NLGN1: variants seen among roughly 807,000 people sequenced by gnomAD.
The protein encoded by NLGN1 is neuroligin 1, also known as neuroligin-1.
A neutral mutation model predicts 65.5 loss-of-function variants in NLGN1; 12 were observed. The observed-to-expected ratio is 0.18, with a 90% confidence interval of 0.12 to 0.30. The LOEUF is 0.30. Ranked by LOEUF, NLGN1 falls within the 10% of genes least tolerant of loss-of-function variation. NLGN1 has a pLI of 1.00. For synonymous variants in NLGN1, 350 were observed against 359.5 expected (o/e 0.97, Z 0.30); for missense variants, 750 against 1,007.1 (o/e 0.74, Z 3.46).
At chr3:174,029,156 G>T (rs943880473) in intron 4 of NLGN1, among the ~76,000 whole-genome samples, 10 of 152,226 alleles carry the variant, frequency 6.6e-5, no homozygotes, top group African/African-American at 2.2e-4. Flanking sequence ...ACCTCAAAAT[G>T]ATAGATCCAA....
intron 4 of NLGN1, among the ~76,000 whole-genome samples, chr3:174,252,708 T>C (rs1577600262): frequency 6.6e-6 from 1 of 152,278 alleles, no homozygotes; most frequent in African/African-American, 2.4e-5. Flanking sequence ...ACATCAGAGT[T>C]CTCAAATTTT....
chr3:174,254,749 T>G (rs1477009015), intron 4 of NLGN1, among the ~76,000 whole-genome samples: 2 of 152,146 alleles, frequency 1.3e-5, no homozygotes, highest in Admixed American at 1.3e-4. Context: ...AAAATCTAGA[T>G]AAAATCAGCA....
chr3:173,496,490 A>G (rs1181424182), intron 2 of NLGN1, among the ~76,000 whole-genome samples: 1 of 151,904 alleles, frequency 6.6e-6, no homozygotes, highest in African/African-American at 2.4e-5. Context: ...TGGTTATTCA[A>G]TTCATAAATG....
intron 4 of NLGN1, among the ~76,000 whole-genome samples, chr3:174,021,717 G>A (rs1389535367): frequency 1.3e-5 from 2 of 152,122 alleles, no homozygotes; most frequent in Non-Finnish European, 2.9e-5. Context: ...CTGAGAATCA[G>A]AAAAGAGACA....
At chr3:173,510,732 T>C (rs922559094) in intron 2 of NLGN1, among the ~76,000 whole-genome samples, 4 of 152,176 alleles carry the variant, frequency 2.6e-5, no homozygotes, top group African/African-American at 9.6e-5. Flanking sequence ...GAAACTCATC[T>C]TGTTCACTAG....
intron 4 of NLGN1, among the ~76,000 whole-genome samples, chr3:174,042,445 A>T (rs1309300539): frequency 6.6e-6 from 1 of 152,156 alleles, no homozygotes; most frequent in Non-Finnish European, 1.5e-5. Context: ...TAATGATTAG[A>T]CTACCCTTTG....
At chr3:173,439,815 G>T (rs2148790343) in intron 2 of NLGN1, among the ~76,000 whole-genome samples, 1 of 152,196 alleles carries the variant, frequency 6.6e-6, no homozygotes, top group African/African-American at 2.4e-5. Context: ...ATTGCTGGAG[G>T]GTCTTGCCTT....
chr3:173,494,117 A>G (rs962583471), intron 2 of NLGN1, among the ~76,000 whole-genome samples: 16 of 77,606 alleles, frequency 2.1e-4, no homozygotes, highest in Admixed American at 1.3e-3. Flanking sequence ...TTAGTGTTAT[A>G]GGTGAGTGTG....
intron 3 of NLGN1, among the ~76,000 whole-genome samples, chr3:173,637,367 G>C (rs893299759): frequency 6.6e-6 from 1 of 152,034 alleles, no homozygotes; most frequent in Non-Finnish European, 1.5e-5. Context: ...TGGACAGAGT[G>C]GTCCATTCTT....
chr3:173,928,401 C>A (rs1351687760), intron 4 of NLGN1, among the ~76,000 whole-genome samples: 3 of 152,252 alleles, frequency 2.0e-5, no homozygotes, highest in Middle Eastern at 6.8e-3. Flanking sequence ...TCTTAAGTAT[C>A]TTATCTCTTA....
rs1423503561 is a variant in NLGN1, at chr3:174,026,795, A to G, written c.646+218963A>G. Among the ~76,000 whole-genome samples, 7 of 152,324 alleles carry G rather than the reference A, an allele frequency of 4.6e-5. 1 individual carries two copies. The East Asian group carries it at 1.4e-3, about 29-fold the overall frequency. ...ACAAGCAAACAAAACCACTTCTATTACACAGCTTGTTAGCAGCAAAGGCAG... is the reference window on the plus strand; with the variant it reads ...ACAAGCAAACAAAACCACTTCTATTGCACAGCTTGTTAGCAGCAAAGGCAG... On this transcript the variant is annotated intron_variant, in intron 4 of 6. Coordinates refer to ENST00000457714, the Ensembl canonical transcript of NLGN1.
At chr3:174,204,126 T>A (rs1735003274) in intron 4 of NLGN1, among the ~76,000 whole-genome samples, 1 of 152,218 alleles carries the variant, frequency 6.6e-6, no homozygotes, top group Non-Finnish European at 1.5e-5. Flanking sequence ...AATATGTGTT[T>A]TTCTCCAAAT....
intron 4 of NLGN1, among the ~76,000 whole-genome samples, chr3:173,841,533 A>C (rs1724781944): frequency 6.6e-6 from 1 of 152,218 alleles, no homozygotes; most frequent in African/African-American, 2.4e-5. Context: ...GAGCAAGGAC[A>C]AATCCTGTTG....
chr3:173,440,595 T>C (rs1206315451), intron 2 of NLGN1, among the ~76,000 whole-genome samples: 1 of 152,160 alleles, frequency 6.6e-6, no homozygotes, highest in Non-Finnish European at 1.5e-5. Context: ...TCAGAGCTCT[T>C]GAGTGACTAG....
rs186155858 is a variant in NLGN1 at position 173,679,862 on chromosome 3, G to A, written c.493+74771G>A. Among the ~76,000 whole-genome samples the A allele has an allele frequency of 1.6e-4, 25 of 152,078 alleles. No homozygotes were observed. In the East Asian group the frequency reaches 3.7e-3, roughly 22 times the overall value. Reference sequence around the variant, plus strand: ...GACAATGGCCATCAATGAATGAGACGTGGAAACCCCCTCTATGTCCTACAG... The same window carrying A: ...GACAATGGCCATCAATGAATGAGACATGGAAACCCCCTCTATGTCCTACAG... On this transcript the variant is annotated intron_variant, in intron 3 of 6. Coordinates refer to ENST00000457714, the Ensembl canonical transcript of NLGN1.
chr3:173,401,609 A>G (rs1410554694), intron 1 of NLGN1, among the ~76,000 whole-genome samples: 5 of 152,088 alleles, frequency 3.3e-5, no homozygotes, highest in Admixed American at 2.6e-4. Flanking sequence ...AGACTCTGTC[A>G]GCTGGCTACT....
At chr3:173,785,581 A>C (rs1365022497) in intron 3 of NLGN1, among the ~76,000 whole-genome samples, 1 of 152,180 alleles carries the variant, frequency 6.6e-6, no homozygotes, top group Non-Finnish European at 1.5e-5. Context: ...ATGGTACAAA[A>C]TATTTTGAGA....
chr3:173,722,816 T>C (rs1048569542), intron 3 of NLGN1, among the ~76,000 whole-genome samples: 5 of 152,204 alleles, frequency 3.3e-5, no homozygotes, highest in Admixed American at 2.0e-4. Context: ...CATTTACTTA[T>C]TCATCAAAAT....
At position 174,111,230 on chromosome 3, in the gene NLGN1, G is replaced by A. The variant is rs1008372766; in HGVS notation, c.647-164085G>A. On this transcript the variant is annotated intron_variant, in intron 4 of 6. Coordinates refer to ENST00000457714, the Ensembl canonical transcript of NLGN1. ...CAGTATGGCTACATAAGCTAGTGAA[G>A]CAGGCAAAGAATGGGACTGTAGAAA... 1.1e-4 allele frequency among the ~76,000 whole-genome samples: 17 copies of A among 152,066 alleles called. No homozygotes were observed. The East Asian group carries it at 1.9e-3, about 17-fold the overall frequency.
Sources: allele counts gnomAD v4.1 joint callset (sites outside exome capture counted in the v4.1 genomes callset), GRCh38; gene constraint gnomAD v4.1.1; transcripts MANE v1.5; gene names NCBI Gene and HGNC (gene_info 2026-07-23, HGNC 2026-07-21).